Variants in ITPA observed in about 807,000 individuals in gnomAD.
ITPA encodes the protein inosine triphosphatase.
A neutral mutation model predicts 29.6 loss-of-function variants in ITPA; 29 were observed. That is an observed-to-expected ratio of 0.98 (90% CI 0.73 to 1.34). The LOEUF (loss-of-function observed/expected upper bound fraction) is 1.34, where lower values mean the gene tolerates loss of function less well. Among genes scored for constraint, ITPA ranks in the 40% most tolerant of loss-of-function variants. The probability of loss-of-function intolerance (pLI) is 0.00; values close to 1 mark genes in which losing one functional copy is unlikely to be tolerated. For synonymous variants in ITPA, 103 were observed against 99.3 expected (o/e 1.04, Z -0.22); for missense variants, 241 against 251.5 (o/e 0.96, Z 0.28).
chr20:3,215,103 G>T, intron 4 of ITPA, 178 bp from the exon 5 acceptor site: 1 of 643,078 alleles, frequency 1.6e-6, no homozygotes, highest in South Asian at 1.8e-5. Flanking sequence ...CTGAGCTCAA[G>T]CGATCCGCCT....
At chr20:3,204,463 G>A (rs1041429102), upstream of ITPA, 5 of 1,448,214 alleles carry the variant, frequency 3.5e-6, no homozygotes, top group African/African-American at 1.4e-5. Context: ...AGGAGCCGCG[G>A]CGCGACGGTC....
intron 7 of ITPA, 25 bp downstream of exon 7, chr20:3,221,942 T>C (rs1568519755): frequency 1.9e-6 from 3 of 1,606,330 alleles, no homozygotes; most frequent in Non-Finnish European, 2.6e-6. Flanking sequence ...TTTTCTTCCC[T>C]GGGGTGTGGG....
At chr20:3,226,665 T>C (rs752970131), downstream of ITPA, among the ~76,000 whole-genome samples, 6 of 152,180 alleles carry the variant, frequency 3.9e-5, no homozygotes, top group Non-Finnish European at 8.8e-5. The surrounding 1 kb of genome is among the most constrained non-coding windows in gnomAD (Gnocchi z 4.4). Context: ...TCTTTGCATA[T>C]TTCAGATATA....
Position 3,216,506 on chromosome 20 carries a change from C to T in ITPA, c.295+1194C>T, listed in dbSNP as rs1468607542. On this transcript the variant is annotated intron_variant, in intron 5 of 7. Transcript: ENST00000380113. ...TTCACTCTTGTTGCCCAGGCTGGAG[C>T]GCAATGGCACGATCTCGGCTCACTA... Among the ~76,000 whole-genome samples, 13 of 121,092 alleles carry T rather than the reference C, an allele frequency of 1.1e-4. No homozygotes were observed. The East Asian group carries it at 1.3e-3, about 12-fold the overall frequency. The allele number at this position is 121,092 out of a possible 152,430, so 79.4% of individuals were successfully genotyped here.
At chr20:3,226,238 G>C (rs1344444463), downstream of ITPA, among the ~76,000 whole-genome samples, 1 of 152,174 alleles carries the variant, frequency 6.6e-6, no homozygotes, top group Non-Finnish European at 1.5e-5. This position sits in a 1 kb window ranked among gnomAD's most constrained non-coding sequence, Gnocchi z 4.4. Flanking sequence ...GCTACCTCCT[G>C]GCAGGCAGCA....
rs781043602 is a variant in ITPA at position 3,214,068 on chromosome 20, T to C, written c.263+10T>C. 3 of 1,613,572 alleles carry C rather than the reference T, an allele frequency of 1.9e-6. No individual in the cohort carries two copies. The highest frequency in any genetic ancestry group is 2.7e-5 in the African/African-American group (2 of 74,916). ...TCCCCGGCCCCTACATGTGAGTGAC[T>C]ACCTCCACCCCCTTACAGGGCGTCA... On this transcript the variant is annotated intron_variant, in intron 4 of 7. Transcript: ENST00000380113.
At chr20:3,216,700 T>C (rs982309796) in intron 5 of ITPA, among the ~76,000 whole-genome samples, 2 of 150,874 alleles carry the variant, frequency 1.3e-5, no homozygotes, top group Non-Finnish European at 3.0e-5. Context: ...GATCCACCCA[T>C]CGCAGCCTCC....
chr20:3,220,547 G>C (rs189267512), intron 6 of ITPA, among the ~76,000 whole-genome samples: 10 of 151,684 alleles, frequency 6.6e-5, no homozygotes, highest in African/African-American at 2.4e-4. Flanking sequence ...ATTTTTTAAA[G>C]AGTAAAAAAA....
At chr20:3,214,186 A>C in intron 4 of ITPA, 128 bp downstream of exon 4, 1 of 821,724 alleles carries the variant, frequency 1.2e-6, no homozygotes, top group Non-Finnish European at 2.1e-6. Context: ...CGTTGTCCCG[A>C]GGAAAGACGG....
chr20:3,222,960 C>T (rs185265616), intron 7 of ITPA, among the ~76,000 whole-genome samples: 32 of 152,324 alleles, frequency 2.1e-4, no homozygotes, highest in Admixed American at 2.0e-4. Context: ...GCATGGAGGT[C>T]GGGCCCCTGG....
downstream of ITPA, among the ~76,000 whole-genome samples, chr20:3,224,907 T>C (rs1442980362): frequency 6.6e-6 from 1 of 152,156 alleles, no homozygotes; most frequent in Non-Finnish European, 1.5e-5. Context: ...TGTGATACTG[T>C]GAAGTATATA....
At position 3,223,358 on chromosome 20, in the gene ITPA, C is replaced by A; in HGVS notation, c.489-8C>A. 6.2e-7 allele frequency: 1 copy of A among 1,610,408 alleles called. No homozygotes were observed. Among genetic ancestry groups the A allele is most frequent in the South Asian group, 1.1e-5 (1 of 90,752 alleles). On this transcript the variant is annotated splice_region_variant and splice_polypyrimidine_tract_variant and intron_variant, in intron 7 of 7. Transcript: ENST00000380113. The stretch of plus-strand genomic sequence containing the variant: ...TGGGCTCCCTGAGCTGCTACTGTCA[C>A]CCCTCAGGTACGCAGAGATGCCTAA...
At chr20:3,222,365 C>T (rs1330004672) in intron 7 of ITPA, among the ~76,000 whole-genome samples, 3 of 152,208 alleles carry the variant, frequency 2.0e-5, no homozygotes. Flanking sequence ...CACGCACCAC[C>T]GTGCTCAGCT....
chr20:3,213,374 A>C lies in ITPA; in HGVS notation c.180A>C (p.Ala60=), dbSNP rs1401216821. 1.9e-6 allele frequency: 3 copies of C among 1,614,040 alleles called. No individual in the cohort carries two copies. The highest frequency in any genetic ancestry group is 2.5e-6 in the Non-Finnish European group (3 of 1,180,048). The change falls in exon 3 of 8, where the codon GCA becomes GCC. Residue 60 remains alanine (A), a synonymous_variant. Transcript: ENST00000380113. ...DEISIQKCQE[A]VRQVQGPVLV... Reference sequence around the variant, plus strand: ...TTTCCATACAGAAATGTCAGGAGGCAGTTCGCCAGGTGCTTGCCCTGCCCT... The same window carrying C: ...TTTCCATACAGAAATGTCAGGAGGCCGTTCGCCAGGTGCTTGCCCTGCCCT...
chr20:3,218,665 GCGC>G (rs2067377358), intron 6 of ITPA, 33 bp downstream of exon 6: 1 of 1,549,628 alleles, frequency 6.5e-7, no homozygotes, highest in African/African-American at 1.4e-5. Context: ...TTCCCGCCGC[GCGC>G]CGCCAGGGGG....
chr20:3,223,310 G>A, intron 7 of ITPA, 56 bp from the exon 8 acceptor site: 1 of 1,301,024 alleles, frequency 7.7e-7, no homozygotes, highest in Non-Finnish European at 1.1e-6. Flanking sequence ...GGGTTGGGAG[G>A]GGGTGCACTT....
At chr20:3,220,219 G>T (rs892542411) in intron 6 of ITPA, among the ~76,000 whole-genome samples, 1 of 151,804 alleles carries the variant, frequency 6.6e-6, no homozygotes. Flanking sequence ...CACCACACCC[G>T]GCTAATTTTT....
At chr20:3,204,663 C>G (rs1294606235), upstream of ITPA, 1 of 1,547,800 alleles carries the variant, frequency 6.5e-7, no homozygotes, top group Non-Finnish European at 8.7e-7. Flanking sequence ...TGCGTCCACC[C>G]TGAGGCCGGG....
upstream of ITPA, chr20:3,204,746 C>G (rs2067059224): frequency 3.2e-6 from 3 of 939,020 alleles, no homozygotes; most frequent in African/African-American, 3.3e-5. Context: ...AGCGGCACAT[C>G]ACAGAGAGGC....
Sources: gnomAD v4.1 joint callset for allele counts (sites outside exome capture counted in the v4.1 genomes callset) on GRCh38, gnomAD v4.1.1 for gene constraint, Gnocchi (gnomAD v3.1) non-coding constraint, MANE v1.5 for transcripts, NCBI Gene and HGNC (gene_info 2026-07-23, HGNC 2026-07-21) for gene names.